The following TMEM26 variants were observed in gnomAD, a reference collection of about 807,000 sequenced individuals.
TMEM26 encodes transmembrane protein 26.
TMEM26 carries 38 observed loss-of-function variants against 28.8 expected under a neutral mutation model. The ratio of observed to expected loss-of-function variants is 1.32; its 90% CI spans 1.02 to 1.73. The LOEUF (loss-of-function observed/expected upper bound fraction) is 1.73. TMEM26 is among the 40% of genes most tolerant of loss of function. The pLI, the probability that TMEM26 is intolerant of heterozygous loss-of-function variation, is 0.00. For synonymous variants in TMEM26, 227 were observed against 182.9 expected (o/e 1.24, Z -1.95); for missense variants, 518 against 447.1 (o/e 1.16, Z -1.43).
In TMEM26 at chr10:61,452,916, A is replaced by G. The variant is rs547594261; in HGVS notation, c.166T>C (p.Phe56Leu). 1.1e-5 allele frequency: 18 copies of G among 1,613,842 alleles called. No homozygotes were observed. The Admixed American group carries it at 2.8e-4, about 25-fold the overall frequency. ...CATTTGTAGCCTCTGCCGCGCTTGAACTTGAGGGTGAGCGCAGTCTCCAGG... is the reference window on the plus strand; with the variant it reads ...CATTTGTAGCCTCTGCCGCGCTTGAGCTTGAGGGTGAGCGCAGTCTCCAGG... ...LFLETALTLK[F>L]KRGRGYKWFS... is the part of the protein sequence containing the mutation. Residue 56 changes from phenylalanine (F) to leucine (L), a missense_variant, in exon 1 of 6, where the codon TTC (phenylalanine) becomes CTC (leucine). Physicochemically the swap from Phe to Leu is conservative, Grantham distance 22. Transcript: ENST00000399298.
chr10:61,447,075 C>T (rs984237706), intron 1 of TMEM26, among the ~76,000 whole-genome samples: 2 of 152,070 alleles, frequency 1.3e-5, no homozygotes, highest in Non-Finnish European at 2.9e-5. Flanking sequence ...AACTTGGACA[C>T]GAAGTGTGAA....
At chr10:61,443,662 T>A (rs537763423) in intron 1 of TMEM26, among the ~76,000 whole-genome samples, 1 of 152,184 alleles carries the variant, frequency 6.6e-6, no homozygotes, top group Non-Finnish European at 1.5e-5. Flanking sequence ...GAGAAGATAC[T>A]ACTGAATGTG....
At chr10:61,412,938 G>A (rs1839591350) in intron 5 of TMEM26, 4 of 1,293,768 alleles carry the variant, frequency 3.1e-6, no homozygotes, top group African/African-American at 3.1e-5. Context: ...AGGATTCCAA[G>A]GACCTCCAAT....
At chr10:61,417,495 C>A (rs1462245443) in intron 4 of TMEM26, among the ~76,000 whole-genome samples, 5 of 143,828 alleles carry the variant, frequency 3.5e-5, no homozygotes, top group Admixed American at 1.4e-4. Flanking sequence ...CAAATACCAC[C>A]AGAAAAGGAA....
chr10:61,441,124 C>T (rs943993802), intron 1 of TMEM26, among the ~76,000 whole-genome samples: 7 of 152,086 alleles, frequency 4.6e-5, no homozygotes, highest in Admixed American at 1.3e-4. Context: ...TTGGTTGAAT[C>T]CGCAGATGTG....
chr10:61,428,916 G>A lies in TMEM26; in HGVS notation c.605+10C>T, dbSNP rs1445045484. 2 of 1,611,878 alleles carry A rather than the reference G, an allele frequency of 1.2e-6. No homozygotes were observed. Among genetic ancestry groups the A allele is most frequent in the Admixed American group, 1.7e-5 (1 of 59,844 alleles). On this transcript the variant is annotated intron_variant, in intron 4 of 5. Transcript: ENST00000399298. ...GAAAACAAGGTGTTTTTGCTGCAAG[G>A]AATGCTCACCTCACATTTTGTTCTT...
chr10:61,436,540 G>T (rs1840011753), intron 1 of TMEM26, among the ~76,000 whole-genome samples: 1 of 152,132 alleles, frequency 6.6e-6, no homozygotes, highest in Admixed American at 6.5e-5. Flanking sequence ...ATGGGACACT[G>T]CCAATTAGTT....
chr10:61,423,601 G>A (rs1022269728), intron 4 of TMEM26, among the ~76,000 whole-genome samples: 25 of 152,206 alleles, frequency 1.6e-4, no homozygotes, highest in African/African-American at 6.0e-4. Flanking sequence ...ATTAGCCGGT[G>A]AGGGCCTTTG....
At chr10:61,422,558 G>C (rs2135299455) in intron 4 of TMEM26, among the ~76,000 whole-genome samples, 1 of 152,206 alleles carries the variant, frequency 6.6e-6, no homozygotes, top group African/African-American at 2.4e-5. Flanking sequence ...AACAACCCAT[G>C]TCAAAAATAA....
chr10:61,427,214 A>T (rs1270485377), intron 4 of TMEM26, among the ~76,000 whole-genome samples: 1 of 152,112 alleles, frequency 6.6e-6, no homozygotes, highest in Non-Finnish European at 1.5e-5. Context: ...AAAAATACAT[A>T]TTTATAAAGC....
At chr10:61,443,166 G>T (rs1473196541) in intron 1 of TMEM26, among the ~76,000 whole-genome samples, 1 of 152,012 alleles carries the variant, frequency 6.6e-6, no homozygotes, top group East Asian at 1.9e-4. Context: ...AAGGTGCCAA[G>T]ATCAGGCCCG....
chr10:61,437,517 C>T (rs1017587388), intron 1 of TMEM26, among the ~76,000 whole-genome samples: 10 of 152,144 alleles, frequency 6.6e-5, no homozygotes, highest in Non-Finnish European at 1.3e-4. Flanking sequence ...GGCACGGTGG[C>T]TCAGGCCTGT....
At chr10:61,433,389 A>T (rs1371950386) in intron 2 of TMEM26, among the ~76,000 whole-genome samples, 4 of 152,130 alleles carry the variant, frequency 2.6e-5, no homozygotes, top group Non-Finnish European at 4.4e-5. Context: ...GAGTTCACAT[A>T]GATTATCTGG....
intron 4 of TMEM26, among the ~76,000 whole-genome samples, chr10:61,418,370 G>C (rs1300474501): frequency 6.6e-6 from 1 of 151,972 alleles, no homozygotes; most frequent in Non-Finnish European, 1.5e-5. Context: ...ATTTTAAACA[G>C]ATGGCTCCCA....
chr10:61,429,185 C>T, intron 3 of TMEM26, 39 bp from the exon 4 acceptor site: 1 of 1,535,944 alleles, frequency 6.5e-7, no homozygotes, highest in Non-Finnish European at 9.0e-7. Flanking sequence ...GATTATCAGC[C>T]ACCACCTGAG....
intron 4 of TMEM26, chr10:61,414,124 C>T (rs1839613540): frequency 1.1e-6 from 1 of 873,786 alleles, no homozygotes; most frequent in Admixed American, 6.2e-5. Context: ...GTGCCTAGAA[C>T]AGTGCTTGAT....
chr10:61,448,093 A>G (rs939569280), intron 1 of TMEM26, among the ~76,000 whole-genome samples: 6 of 152,262 alleles, frequency 3.9e-5, no homozygotes, highest in Non-Finnish European at 5.9e-5. Flanking sequence ...ACTGTTGTTG[A>G]AAGAAGAGTG....
intron 1 of TMEM26, among the ~76,000 whole-genome samples, chr10:61,451,878 G>T (rs1215876546): frequency 6.6e-6 from 1 of 151,822 alleles, no homozygotes; most frequent in Non-Finnish European, 1.5e-5. Context: ...TAGAGGGGTT[G>T]TTTCATTTTT....
At chr10:61,412,897 G>C in intron 5 of TMEM26, 1 of 1,269,904 alleles carries the variant, frequency 7.9e-7, no homozygotes, top group African/African-American at 1.6e-5. Context: ...AAAATCTTAG[G>C]GGTTTATGTT....
Sources: allele counts gnomAD v4.1 joint callset (sites outside exome capture counted in the v4.1 genomes callset), GRCh38; gene constraint gnomAD v4.1.1; transcripts MANE v1.5; gene names NCBI Gene and HGNC (gene_info 2026-07-23, HGNC 2026-07-21).